Variants in NAV2 observed in about 807,000 individuals in gnomAD.
NAV2 encodes the protein neuron navigator 2.
NAV2 carries 54 observed loss-of-function variants against 223.2 expected under a neutral mutation model. The ratio of observed to expected loss-of-function variants is 0.24; its 90% CI spans 0.19 to 0.30. The LOEUF (loss-of-function observed/expected upper bound fraction) is 0.30. Ranked by LOEUF, NAV2 falls within the 10% of genes least tolerant of loss-of-function variation. The probability of loss-of-function intolerance (pLI) is 1.00; values close to 1 mark genes in which losing one functional copy is unlikely to be tolerated. For missense variants in NAV2, 2,806 were observed against 3,147.5 expected, an observed-to-expected ratio of 0.89 and a Z score of 2.60; for synonymous variants, 1,279 against 1,239.3, an observed-to-expected ratio of 1.03 and a Z score of -0.67.
At chr11:19,472,658 T>C (rs1182735963) in intron 1 of NAV2, among the ~76,000 whole-genome samples, 1 of 152,106 alleles carries the variant, frequency 6.6e-6, no homozygotes, top group Non-Finnish European at 1.5e-5. Flanking sequence ...ACTTGTAAAC[T>C]CCTGGCCCCT....
intron 1 of NAV2, among the ~76,000 whole-genome samples, chr11:19,770,918 C>T (rs948335556): frequency 6.6e-6 from 1 of 152,152 alleles, no homozygotes; most frequent in Admixed American, 6.5e-5. Context: ...CTGATTTCTT[C>T]GTGAGGTCTC....
intron 4 of NAV2, among the ~76,000 whole-genome samples, chr11:19,872,585 C>G (rs916359638): frequency 2.6e-5 from 4 of 152,378 alleles, no homozygotes; most frequent in South Asian, 2.1e-4. Context: ...GGCTCCTTCT[C>G]TGATGAAGAA....
chr11:19,408,788 T>C (rs1850012019), intron 1 of NAV2, among the ~76,000 whole-genome samples: 1 of 151,940 alleles, frequency 6.6e-6, no homozygotes, highest in Admixed American at 6.6e-5. Context: ...TGGGCCTGGC[T>C]GATGCAAACT....
chr11:19,823,672 A>T (rs117024541), intron 1 of NAV2, among the ~76,000 whole-genome samples: 2,813 of 152,290 alleles, frequency 0.018, 37 homozygotes, highest in Non-Finnish European at 0.029. Flanking sequence ...GGGGTCTCTT[A>T]AGGAAGGTCG....
At chr11:19,394,446 C>T (rs936976337) in intron 1 of NAV2, among the ~76,000 whole-genome samples, 4 of 152,116 alleles carry the variant, frequency 2.6e-5, no homozygotes, top group Non-Finnish European at 4.4e-5. Context: ...CCAGGCATAC[C>T]CATGCTAGAC....
chr11:19,590,751 G>A (rs1356727118), intron 1 of NAV2, among the ~76,000 whole-genome samples: 1 of 152,032 alleles, frequency 6.6e-6, no homozygotes, highest in African/African-American at 2.4e-5. Context: ...CCACCATTAT[G>A]GTTTTTTCTT....
At chr11:19,429,303 C>T (rs1263031419) in intron 1 of NAV2, among the ~76,000 whole-genome samples, 1 of 152,170 alleles carries the variant, frequency 6.6e-6, no homozygotes, top group Non-Finnish European at 1.5e-5. Context: ...CCAAGGGGGC[C>T]AGGACCAAGT....
intron 1 of NAV2, among the ~76,000 whole-genome samples, chr11:19,514,803 A>T (rs1257659581): frequency 2.0e-5 from 3 of 148,542 alleles, no homozygotes; most frequent in African/African-American, 7.3e-5. Context: ...TGGACTCATG[A>T]GTTGAACCAG....
chr11:19,393,707 C>A (rs1324332639), intron 1 of NAV2, among the ~76,000 whole-genome samples: 1 of 152,132 alleles, frequency 6.6e-6, no homozygotes, highest in Non-Finnish European at 1.5e-5. Flanking sequence ...AGGAAAAAGA[C>A]AATGTAATTG....
chr11:19,959,795 C>T (rs1300425357), intron 10 of NAV2, among the ~76,000 whole-genome samples: 1 of 152,190 alleles, frequency 6.6e-6, no homozygotes, highest in East Asian at 1.9e-4. Context: ...ACGATACCCT[C>T]CAGCCGACAG....
rs182922101 is a variant in NAV2, at chr11:19,415,800, C to A, written c.75+64773C>A. ...CAAGCCTGGTTCAACATACACAAAT[C>A]AATAAACATATTCCATTACATAAAC... On this transcript the variant is annotated intron_variant, in intron 1 of 37. Transcript: ENST00000360655. 1.2e-3 allele frequency among the ~76,000 whole-genome samples: 181 copies of A among 152,278 alleles called. 2 individuals are homozygous for A. The highest frequency in any genetic ancestry group is 4.2e-3 in the African/African-American group (175 of 41,562).
In NAV2 at chr11:19,781,277, G is replaced by A. The variant is rs888135572; in HGVS notation, c.268-51207G>A. ...CGCTGCAGGGCCTGCTGCTGAGGTG[G>A]GTCTGCATGAGCGTGCAGTATAGAT... On this transcript the variant is annotated intron_variant, in intron 1 of 37. Transcript: ENST00000349880. Among the ~76,000 whole-genome samples the A allele has an allele frequency of 1.6e-4, 25 of 152,254 alleles. No homozygotes were observed. In the South Asian group the frequency reaches 3.3e-3, roughly 20 times the overall value.
chr11:19,636,759 C>T (rs548025401), intron 1 of NAV2, among the ~76,000 whole-genome samples: 6 of 152,234 alleles, frequency 3.9e-5, no homozygotes, highest in African/African-American at 7.2e-5. Context: ...CGTGAGCCAC[C>T]GCACCCGGCC....
intron 1 of NAV2, among the ~76,000 whole-genome samples, chr11:19,794,939 A>T (rs991244213): frequency 2.6e-5 from 4 of 152,260 alleles, no homozygotes; most frequent in African/African-American, 9.6e-5. Flanking sequence ...AACAATTGCA[A>T]TAAAGACAAT....
chr11:19,365,479 A>G (rs546602112), intron 1 of NAV2, among the ~76,000 whole-genome samples: 2 of 152,346 alleles, frequency 1.3e-5, no homozygotes, highest in East Asian at 3.9e-4. Context: ...TCTTTGTTAA[A>G]TGGGGAAATC....
intron 35 of NAV2, among the ~76,000 whole-genome samples, chr11:20,106,175 A>ATATATGTGTGTGTGTGTGTG (rs11267537): frequency 0.029 from 1,039 of 35,700 alleles, 175 homozygotes; most frequent in Admixed American, 0.042. Context: ...ATATATATAT[A>ATATATGTGTGTGTGTGTGTG]TGTGTGTGTA....
At chr11:19,479,250 T>C (rs1228153130) in intron 1 of NAV2, among the ~76,000 whole-genome samples, 1 of 152,202 alleles carries the variant, frequency 6.6e-6, no homozygotes, top group African/African-American at 2.4e-5. Flanking sequence ...TTTGCCACCG[T>C]GGCTCTCTCT....
intron 1 of NAV2, among the ~76,000 whole-genome samples, chr11:19,452,846 C>A (rs1287936550): frequency 6.6e-6 from 1 of 152,156 alleles, no homozygotes; most frequent in Non-Finnish European, 1.5e-5. Flanking sequence ...CATTGTAAGT[C>A]AGGGACCCTC....
At chr11:19,894,754 G>T (rs1015584080) in intron 6 of NAV2, among the ~76,000 whole-genome samples, 1 of 152,160 alleles carries the variant, frequency 6.6e-6, no homozygotes, top group Non-Finnish European at 1.5e-5. Context: ...TTTAGAGATG[G>T]AGTTTTGCTC....
Sources: gnomAD v4.1 joint callset for allele counts (sites outside exome capture counted in the v4.1 genomes callset) on GRCh38, gnomAD v4.1.1 for gene constraint, MANE v1.5 for transcripts, NCBI Gene and HGNC (gene_info 2026-07-23, HGNC 2026-07-21) for gene names.